The following SYT17 variants were observed in gnomAD, a reference collection of about 807,000 sequenced individuals.
SYT17 encodes synaptotagmin-17.
In SYT17, 22 loss-of-function variants were observed where a neutral mutation model predicts 46.7. The observed-to-expected ratio is 0.47, with a 90% CI of 0.34 to 0.67. The LOEUF is 0.67. Among genes scored for constraint, SYT17 ranks in the 30% least tolerant of loss-of-function variants. SYT17 has a pLI of 0.01. For missense variants in SYT17, 519 were observed against 612.8 expected (o/e 0.85, Z 1.62); for synonymous variants, 251 against 248.4 (o/e 1.01, Z -0.10).
At chr16:19,222,951 C>G in intron 5 of SYT17, 94 bp from the exon 6 acceptor site, 1 of 1,532,942 alleles carries the variant, frequency 6.5e-7, no homozygotes, top group South Asian at 1.2e-5. Context: ...TCACAGCAAC[C>G]TGTTTGTGAG....
intron 7 of SYT17, among the ~76,000 whole-genome samples, chr16:19,248,594 A>T (rs1467534101): frequency 6.6e-6 from 1 of 151,468 alleles, no homozygotes; most frequent in Non-Finnish European, 1.5e-5. Flanking sequence ...GCTGAGGTGG[A>T]TGGATCACTT....
intron 5 of SYT17, among the ~76,000 whole-genome samples, chr16:19,192,271 A>C (rs1173555121): frequency 6.6e-6 from 1 of 151,146 alleles, no homozygotes; most frequent in African/African-American, 2.4e-5. Flanking sequence ...TAGTACAAAA[A>C]TTAGCTGGGT....
Position 19,267,112 on chromosome 16 carries a change from A to AAAC in SYT17, c.*38_*39insCAA. The AAAC allele has an allele frequency of 6.7e-7, 1 of 1,498,524 alleles. No individual in the cohort carries two copies. Among genetic ancestry groups the AAAC allele is most frequent in the Non-Finnish European group, 8.9e-7 (1 of 1,128,020 alleles). 92.8% of individuals were successfully genotyped at this position (1,498,524 alleles called of 1,614,324 possible). Reference sequence around the variant, plus strand: ...GAAGGCAGCTTTCATTTGTTTAAAAAAAAAAAAAAAAGACGGAAAAAAATG... The same window carrying AAAC: ...GAAGGCAGCTTTCATTTGTTTAAAAAAACAAAAAAAAAAAGACGGAAAAAAATG... On this transcript the variant is annotated 3_prime_UTR_variant, in exon 8 of 8. Coordinates refer to ENST00000355377, the MANE Select transcript of SYT17 (RefSeq NM_016524.4).
At chr16:19,241,179 C>G (rs916143148) in intron 7 of SYT17, among the ~76,000 whole-genome samples, 35 of 151,894 alleles carry the variant, frequency 2.3e-4, no homozygotes, top group African/African-American at 8.0e-4. Context: ...GATCTCCTGA[C>G]CTCGTGATCC....
At position 19,232,971 on chromosome 16, in the gene SYT17, C is replaced by T. The variant is rs563341434; in HGVS notation, c.1228+8133C>T. On this transcript the variant is annotated intron_variant, in intron 7 of 7. Coordinates refer to ENST00000355377, the MANE Select transcript of SYT17 (RefSeq NM_016524.4). ...TAAAAAAACTCTGATGCCCCGTTCC[C>T]AGAACAGATAAACTGAATCAACCCA... Among the ~76,000 whole-genome samples, 110 of 152,326 alleles carry T rather than the reference C, an allele frequency of 7.2e-4. No individual in the cohort carries two copies. The Middle Eastern group carries it at 0.014, about 19-fold the overall frequency.
At position 19,223,114 on chromosome 16, in the gene SYT17, G is replaced by T; in HGVS notation, c.1021G>T (p.Asp341Tyr). Residue 341 changes from aspartate to tyrosine, a missense_variant, in exon 6 of 8, where the codon GAT becomes TAT. Physicochemically the swap from Asp to Tyr is radical, Grantham distance 160. Transcript: ENST00000355377. ...CCCAAGTGCTGGCAGACTGAATGTT[G>T]ATGTCATTCGAGCCAAGCAACTTCT... is the stretch of plus-strand genomic sequence containing the variant. ...YLPSAGRLNV[D>Y]VIRAKQLLQT... The T allele has an allele frequency of 6.2e-7, 1 of 1,613,986 alleles. No homozygotes were observed.
intron 7 of SYT17, among the ~76,000 whole-genome samples, chr16:19,249,003 G>A (rs1333530745): frequency 3.9e-5 from 6 of 152,132 alleles, no homozygotes; most frequent in African/African-American, 1.4e-4. Context: ...AGGCCAGTGT[G>A]GTGGCTCACG....
intron 3 of SYT17, among the ~76,000 whole-genome samples, chr16:19,174,376 A>G (rs990003262): frequency 6.6e-6 from 1 of 152,172 alleles, no homozygotes; most frequent in African/African-American, 2.4e-5. Context: ...GAAGTCATCA[A>G]GTGAGCTTGT....
At chr16:19,244,783 T>G (rs146060273) in intron 7 of SYT17, among the ~76,000 whole-genome samples, 157 of 152,152 alleles carry the variant, frequency 1.0e-3, no homozygotes, top group African/African-American at 3.3e-3. Context: ...TAGCTGGTGG[T>G]TGGGGAGGAA....
At chr16:19,218,459 G>T (rs1190797430) in intron 5 of SYT17, among the ~76,000 whole-genome samples, 1 of 152,176 alleles carries the variant, frequency 6.6e-6, no homozygotes, top group African/African-American at 2.4e-5. Flanking sequence ...ATGGAGGATG[G>T]GATGGGTAGA....
chr16:19,240,194 T>C (rs550056660), intron 7 of SYT17, among the ~76,000 whole-genome samples: 2 of 152,336 alleles, frequency 1.3e-5, no homozygotes, highest in South Asian at 2.1e-4. Context: ...GTTTCAGCCC[T>C]GTTTGTGTTA....
chr16:19,173,368 T>C, intron 2 of SYT17, 62 bp from the exon 3 acceptor site: 1 of 742,596 alleles, frequency 1.3e-6, no homozygotes, highest in Non-Finnish European at 2.1e-6. Flanking sequence ...CTCTTCCTCT[T>C]CCCCACCCTG....
chr16:19,255,707 C>T (rs887252667), intron 7 of SYT17, among the ~76,000 whole-genome samples: 1 of 152,142 alleles, frequency 6.6e-6, no homozygotes, highest in South Asian at 2.1e-4. Flanking sequence ...ATCACTTGAG[C>T]CCAGGAGGTT....
At chr16:19,246,379 AT>A (rs1469367264) in intron 7 of SYT17, among the ~76,000 whole-genome samples, 1 of 149,650 alleles carries the variant, frequency 6.7e-6, no homozygotes, top group Non-Finnish European at 1.5e-5. Flanking sequence ...ATTGATATCC[AT>A]TAATGAATAT....
intron 7 of SYT17, among the ~76,000 whole-genome samples, chr16:19,243,661 ATAGAAAAT>A (rs1967300965): frequency 6.6e-6 from 1 of 152,038 alleles, no homozygotes; most frequent in South Asian, 2.1e-4. Flanking sequence ...TCTACTAAAA[ATAGAAAAT>A]TAGCCAGGCA....
At chr16:19,229,706 A>G (rs1596986999) in intron 7 of SYT17, among the ~76,000 whole-genome samples, 1 of 152,380 alleles carries the variant, frequency 6.6e-6, no homozygotes, top group East Asian at 1.9e-4. Flanking sequence ...TTGCACTTGT[A>G]GGTATATACC....
chr16:19,244,029 C>T (rs1043819060), intron 7 of SYT17, among the ~76,000 whole-genome samples: 3 of 151,952 alleles, frequency 2.0e-5, no homozygotes, highest in Non-Finnish European at 4.4e-5. Context: ...CTAACTTGGG[C>T]GAGGGGCAGG....
chr16:19,256,576 A>G (rs1024159136), intron 7 of SYT17, among the ~76,000 whole-genome samples: 9 of 148,800 alleles, frequency 6.0e-5, no homozygotes, highest in African/African-American at 2.0e-4. Context: ...TATTATTATT[A>G]TTATTATTAT....
chr16:19,201,133 A>C (rs975355705), intron 5 of SYT17, among the ~76,000 whole-genome samples: 6 of 152,210 alleles, frequency 3.9e-5, no homozygotes, highest in African/African-American at 1.4e-4. Context: ...CAGCACCTGC[A>C]CATAGAACCT....
Sources: allele counts gnomAD v4.1 joint callset (sites outside exome capture counted in the v4.1 genomes callset), GRCh38; gene constraint gnomAD v4.1.1; transcripts MANE v1.5; gene names NCBI Gene and HGNC (gene_info 2026-07-23, HGNC 2026-07-21).